The following SEMA7A variants were observed in gnomAD, a reference collection of about 807,000 sequenced individuals.
SEMA7A encodes semaphorin 7A (JohnMiltonHagen blood group).
A neutral mutation model predicts 67.5 loss-of-function variants in SEMA7A; 21 were observed. That is an observed-to-expected ratio of 0.31 (90% CI 0.22 to 0.45). SEMA7A has a LOEUF of 0.45. Ranked by LOEUF, SEMA7A falls within the 20% of genes least tolerant of loss-of-function variation. SEMA7A has a pLI of 1.00. For missense variants in SEMA7A, 774 were observed against 908.6 expected (o/e 0.85, Z 1.90); for synonymous variants, 364 against 368.5 (o/e 0.99, Z 0.14).
At chr15:74,424,216 C>A (rs1173563835) in intron 1 of SEMA7A, among the ~76,000 whole-genome samples, 1 of 152,112 alleles carries the variant, frequency 6.6e-6, no homozygotes, top group East Asian at 1.9e-4. Context: ...GTGATTGGGG[C>A]TGGGCCTTCC....
chr15:74,426,361 T>TC (rs1314961011), intron 1 of SEMA7A, among the ~76,000 whole-genome samples: 2 of 152,142 alleles, frequency 1.3e-5, no homozygotes, highest in African/African-American at 4.8e-5. Flanking sequence ...GGCCCATAGA[T>TC]CCCCCCACCC....
At chr15:74,413,366 G>GT (rs2060918231) in intron 10 of SEMA7A, among the ~76,000 whole-genome samples, 1 of 152,234 alleles carries the variant, frequency 6.6e-6, no homozygotes, top group South Asian at 2.1e-4. Context: ...GAATGATGCA[G>GT]GCTCCAAAAT....
Position 74,414,806 on chromosome 15 carries a change from TG to T in SEMA7A, c.1095+31del. 6.2e-7 allele frequency: 1 copy of T among 1,613,800 alleles called. No individual in the cohort carries two copies. Among genetic ancestry groups the T allele is most frequent in the Non-Finnish European group, 8.5e-7 (1 of 1,179,728 alleles). ...GTGGGAGGTGAGGCAGAAGGAGGGC[TG>T]GGCCTGGGCCACGGCTGGTGTCACG... On this transcript the variant is annotated intron_variant, in intron 9 of 13. Transcript: ENST00000261918. The surrounding 1 kb of genome is among the most constrained non-coding windows in gnomAD (Gnocchi z 4.1).
intron 1 of SEMA7A, among the ~76,000 whole-genome samples, chr15:74,430,527 T>C (rs1242082075): frequency 6.6e-6 from 1 of 152,188 alleles, no homozygotes; most frequent in Non-Finnish European, 1.5e-5. Flanking sequence ...CTCTCTCCCC[T>C]ATACCATGGT....
intron 10 of SEMA7A, 69 bp from the exon 11 acceptor site, chr15:74,412,081 C>A: frequency 6.3e-7 from 1 of 1,591,974 alleles, no homozygotes; most frequent in Non-Finnish European, 8.6e-7. Context: ...TTCCTCTAGG[C>A]CGGGGAGGGG....
At chr15:74,427,446 A>G in intron 1 of SEMA7A, 1 of 931,678 alleles carries the variant, frequency 1.1e-6, no homozygotes, top group Non-Finnish European at 1.3e-6. Context: ...CTCCTGCCTC[A>G]GCCTCCCAAG....
At chr15:74,422,995 AC>A (rs1446801064) in intron 1 of SEMA7A, among the ~76,000 whole-genome samples, 1 of 152,168 alleles carries the variant, frequency 6.6e-6, no homozygotes, top group African/African-American at 2.4e-5. Flanking sequence ...CAGCCTTGCA[AC>A]CTGACCCACT....
At chr15:74,426,566 T>C (rs1415998430) in intron 1 of SEMA7A, among the ~76,000 whole-genome samples, 2 of 152,312 alleles carry the variant, frequency 1.3e-5, no homozygotes, top group Non-Finnish European at 2.9e-5. Flanking sequence ...GCCCCGGTCC[T>C]GAGTGACTGA....
At chr15:74,417,268 T>TC in intron 6 of SEMA7A, 67 bp downstream of exon 6, 1 of 1,248,742 alleles carries the variant, frequency 8.0e-7, no homozygotes, top group Non-Finnish European at 1.2e-6. Flanking sequence ...AACATCAGGA[T>TC]CCCATCTGCC....
rs775346828 is a variant in SEMA7A, at chr15:74,416,594, C to T, written c.782G>A (p.Arg261His). 1.2e-5 allele frequency: 19 copies of T among 1,613,938 alleles called. No homozygotes were observed. Among genetic ancestry groups the T allele is most frequent in the African/African-American group, 5.3e-5 (4 of 74,908 alleles). ...GCTCACCCTGCACAACTGGGCCACACGGGACACATTGAGAGGAGCCTCAGG... is the reference window on the plus strand; with the variant it reads ...GCTCACCCTGCACAACTGGGCCACATGGGACACATTGAGAGGAGCCTCAGG... ...KNPEAPLNVS[R>H]VAQLCRGDQG... Residue 261 changes from arginine (R) to histidine (H), a missense_variant, in exon 7 of 14, where the codon CGT becomes CAT. Transcript: ENST00000261918.
chr15:74,418,144 G>C (rs2072649), intron 3 of SEMA7A, 124 bp downstream of exon 3: 85,182 of 1,175,550 alleles, frequency 0.072, 5,047 homozygotes, highest in South Asian at 0.22. Flanking sequence ...AAGCACAGAG[G>C]ACCACGTCTC....
At chr15:74,432,976 G>C (rs2061102458) in intron 1 of SEMA7A, among the ~76,000 whole-genome samples, 1 of 152,242 alleles carries the variant, frequency 6.6e-6, no homozygotes, top group South Asian at 2.1e-4. Flanking sequence ...CCTAAAGGCT[G>C]CACCCCCGCC....
Position 74,411,901 on chromosome 15 carries a change from G to T in SEMA7A, c.1406C>A (p.Ser469Ter). 1 of 1,613,918 alleles carries T rather than the reference G, an allele frequency of 6.2e-7. No homozygotes were observed. Among genetic ancestry groups the T allele is most frequent in the Non-Finnish European group, 8.5e-7 (1 of 1,180,036 alleles). ...AAGGCTCACCCGCTCAGCATCCAGC[G>T]ACATGGTCTGGATGGCAGCCGCGCG... ...FRRAAAIQTM[S>*]LDAERRKLYV... The change falls in exon 11 of 14, where the codon TCG (serine) becomes TAG (stop). Residue 469 changes from serine (S) to a stop codon, truncating the protein, a stop_gained. Coordinates refer to ENST00000261918, the MANE Select transcript of SEMA7A (RefSeq NM_003612.5). LOFTEE classifies it high-confidence loss of function. This position sits in a 1 kb window ranked among gnomAD's most constrained non-coding sequence, Gnocchi z 4.4.
In SEMA7A at chr15:74,411,862, G is replaced by C; in HGVS notation, c.1422+23C>G. 1 of 1,613,028 alleles carries C rather than the reference G, an allele frequency of 6.2e-7. No individual in the cohort carries two copies. On this transcript the variant is annotated intron_variant, in intron 11 of 13. Transcript: ENST00000261918. The surrounding 1 kb of genome is among the most constrained non-coding windows in gnomAD (Gnocchi z 4.4). ...AGCTGCAGTCACTGCATAGCCCATG[G>C]GACGCAGTGGGGGAAGGCTCACCCG...
At chr15:74,422,558 CCT>C (rs2061009001) in intron 1 of SEMA7A, among the ~76,000 whole-genome samples, 2 of 152,334 alleles carry the variant, frequency 1.3e-5, no homozygotes, top group South Asian at 2.1e-4. Context: ...CCATAGTTCC[CCT>C]GAGTACCATT....
Position 74,416,484 on chromosome 15 carries a change from T to C in SEMA7A, c.801+91A>G. The stretch of plus-strand genomic sequence containing the variant: ...AGACCCACTCATACATCCACACAAC[T>C]TCTACATGCACACGGACACACAGAA... On this transcript the variant is annotated intron_variant, in intron 7 of 13. Coordinates refer to ENST00000261918, the MANE Select transcript of SEMA7A (RefSeq NM_003612.5). 3 of 1,406,168 alleles carry C rather than the reference T, an allele frequency of 2.1e-6. No individual in the cohort carries two copies. In the Admixed American group the frequency reaches 5.7e-5, roughly 27 times the overall value. 87.1% of individuals were successfully genotyped at this position (1,406,168 alleles called of 1,614,324 possible).
chr15:74,429,914 G>A (rs772359332), intron 1 of SEMA7A, among the ~76,000 whole-genome samples: 5 of 151,932 alleles, frequency 3.3e-5, no homozygotes, highest in Non-Finnish European at 7.4e-5. Flanking sequence ...TGCCATTTCA[G>A]CTTGCTCCCT....
chr15:74,421,171 T>C (rs547392610), intron 1 of SEMA7A, among the ~76,000 whole-genome samples: 125 of 152,268 alleles, frequency 8.2e-4, no homozygotes, highest in Non-Finnish European at 1.5e-3. Context: ...GAGACATGAC[T>C]GGGTCCTGGA....
chr15:74,419,014 C>G (rs184717674), intron 1 of SEMA7A, 62 bp from the exon 2 acceptor site: 1 of 1,566,976 alleles, frequency 6.4e-7, no homozygotes, highest in Admixed American at 1.7e-5. Flanking sequence ...GACTCTGGGT[C>G]CCCTCCACAT....
Sources: gnomAD v4.1 joint callset for allele counts (sites outside exome capture counted in the v4.1 genomes callset) on GRCh38, gnomAD v4.1.1 for gene constraint, Gnocchi (gnomAD v3.1) non-coding constraint, MANE v1.5 for transcripts, NCBI Gene and HGNC (gene_info 2026-07-23, HGNC 2026-07-21) for gene names.